The following DAB1 variants were observed in gnomAD, a reference collection of about 807,000 sequenced individuals.
DAB1 encodes the protein DAB adaptor protein 1.
Under a neutral mutation model 64.6 loss-of-function variants are expected in DAB1, and 15 were observed. The observed-to-expected ratio is 0.23, with a 90% CI of 0.16 to 0.36. DAB1 has a LOEUF of 0.36. Ranked by LOEUF, DAB1 falls within the 10% of genes least tolerant of loss-of-function variation. DAB1 has a pLI of 1.00. For missense variants in DAB1, 596 were observed against 706.7 expected (o/e 0.84, Z 1.78); for synonymous variants, 235 against 251.9 (o/e 0.93, Z 0.64).
intron 6 of DAB1, among the ~76,000 whole-genome samples, chr1:57,731,736 C>G (rs529074877): frequency 1.1e-4 from 17 of 151,308 alleles, no homozygotes; most frequent in African/African-American, 4.1e-4. Flanking sequence ...ACCCAGGAGG[C>G]GGAGGTTGCA....
chr1:58,199,081 T>C (rs149983577), intron 4 of DAB1, among the ~76,000 whole-genome samples: 212 of 152,276 alleles, frequency 1.4e-3, no homozygotes, highest in African/African-American at 4.9e-3. Context: ...TATACCAGCC[T>C]GGGTGGCAGT....
At chr1:57,206,204 TGGA>T (rs534262206) in intron 2 of DAB1, among the ~76,000 whole-genome samples, 3 of 152,090 alleles carry the variant, frequency 2.0e-5, no homozygotes, top group Non-Finnish European at 4.4e-5. Context: ...AGAAAGGCTT[TGGA>T]GGAGAAGAGG....
chr1:57,992,596 A>G (rs1048821526), intron 5 of DAB1, among the ~76,000 whole-genome samples: 1 of 152,162 alleles, frequency 6.6e-6, no homozygotes, highest in Non-Finnish European at 1.5e-5. Context: ...TCTCATAAAG[A>G]GGACACTCAG....
intron 5 of DAB1, among the ~76,000 whole-genome samples, chr1:57,984,603 T>A (rs989263025): frequency 1.3e-5 from 2 of 152,242 alleles, no homozygotes; most frequent in East Asian, 3.8e-4. Flanking sequence ...AAGTTACTTT[T>A]ACTTTGCATT....
chr1:57,404,286 C>T (rs141553966), intron 1 of DAB1, among the ~76,000 whole-genome samples: 11 of 152,198 alleles, frequency 7.2e-5, no homozygotes, highest in East Asian at 1.9e-4. Flanking sequence ...AAGTAAAACA[C>T]GTCTAGCAAA....
intron 4 of DAB1, among the ~76,000 whole-genome samples, chr1:58,244,656 C>G (rs1185062843): frequency 6.6e-6 from 1 of 152,184 alleles, no homozygotes; most frequent in Non-Finnish European, 1.5e-5. Context: ...AATGCACTAA[C>G]TTGTGCCTAG....
In DAB1 at chr1:57,413,846, G is replaced by T. The variant is rs181181285; in HGVS notation, c.-137+10084C>A. Among the ~76,000 whole-genome samples, 356 of 152,066 alleles carry T rather than the reference G, an allele frequency of 2.3e-3. 3 individuals carry two copies. Among genetic ancestry groups the T allele is most frequent in the Admixed American group, 4.1e-3 (63 of 15,262 alleles). On this transcript the variant is annotated intron_variant, in intron 1 of 14. Coordinates refer to ENST00000371236, the MANE Select transcript of DAB1 (RefSeq NM_001365792.1). ...AAATATCAACATTAATAGGAGTTTG[G>T]AAGAAGTTGATTCATGGCTGACTTG...
intron 2 of DAB1, among the ~76,000 whole-genome samples, chr1:58,527,092 T>C (rs558957744): frequency 6.6e-6 from 1 of 152,272 alleles, no homozygotes; most frequent in South Asian, 2.1e-4. Flanking sequence ...CAGTTATACA[T>C]TCTTTCAAGG....
chr1:58,506,047 G>A (rs752368737), intron 3 of DAB1: 25 of 846,912 alleles, frequency 3.0e-5, no homozygotes, highest in Non-Finnish European at 4.3e-5. Context: ...CGCCTTCTAC[G>A]GTGTCAGCTC....
At chr1:57,640,819 G>C (rs1646118999) in intron 7 of DAB1, among the ~76,000 whole-genome samples, 1 of 152,186 alleles carries the variant, frequency 6.6e-6, no homozygotes. Flanking sequence ...ATCAGCATTA[G>C]AGTAACATTA....
intron 3 of DAB1, among the ~76,000 whole-genome samples, chr1:58,441,327 A>T (rs981239753): frequency 1.3e-5 from 2 of 152,238 alleles, no homozygotes; most frequent in African/African-American, 4.8e-5. Context: ...AAACCCAGGC[A>T]GCCTGGCTCC....
intron 6 of DAB1, among the ~76,000 whole-genome samples, chr1:57,758,294 C>T (rs1461890277): frequency 1.3e-5 from 2 of 151,934 alleles, no homozygotes; most frequent in African/African-American, 4.8e-5. Context: ...GACTGAGGCT[C>T]AGTGAGGATA....
intron 5 of DAB1, chr1:58,048,994 G>A (rs1647438560): frequency 4.9e-6 from 4 of 808,642 alleles, no homozygotes; most frequent in East Asian, 2.4e-5. Context: ...CAGTTAAGTG[G>A]GCACCTGGTC....
chr1:58,361,909 G>A (rs1644171312), intron 3 of DAB1, among the ~76,000 whole-genome samples: 1 of 111,352 alleles, frequency 9.0e-6, no homozygotes, highest in Non-Finnish European at 1.6e-5. Context: ...TCACTCTGTT[G>A]TCCAGGCTGG....
At chr1:58,311,530 G>C (rs901237325) in intron 4 of DAB1, among the ~76,000 whole-genome samples, 2 of 152,212 alleles carry the variant, frequency 1.3e-5, no homozygotes, top group African/African-American at 4.8e-5. Context: ...CAAAGACTGA[G>C]CATGATGGGG....
intron 6 of DAB1, among the ~76,000 whole-genome samples, chr1:57,688,954 C>T (rs1188582904): frequency 6.6e-6 from 1 of 152,098 alleles, no homozygotes; most frequent in African/African-American, 2.4e-5. Context: ...TGAAAAACTA[C>T]CTGTTTGGTA....
chr1:57,932,468 A>ATTTTTT (rs61202343), intron 5 of DAB1, among the ~76,000 whole-genome samples: 5 of 143,502 alleles, frequency 3.5e-5, no homozygotes, highest in Non-Finnish European at 3.0e-5. Context: ...AGCCCAGCTA[A>ATTTTTT]TTTTTTTTTT....
At chr1:58,126,274 C>G (rs116515473) in intron 5 of DAB1, among the ~76,000 whole-genome samples, 6 of 152,022 alleles carry the variant, frequency 3.9e-5, no homozygotes, top group Non-Finnish European at 7.4e-5. Flanking sequence ...AACACACCAG[C>G]CCCTCAATAC....
intron 14 of DAB1, among the ~76,000 whole-genome samples, chr1:57,004,508 T>C (rs1645992730): frequency 6.6e-6 from 1 of 152,096 alleles, no homozygotes; most frequent in African/African-American, 2.4e-5. Flanking sequence ...TTATGCCCCA[T>C]CCCGGGGGCC....
Sources: allele counts gnomAD v4.1 joint callset (sites outside exome capture counted in the v4.1 genomes callset), GRCh38; gene constraint gnomAD v4.1.1; transcripts MANE v1.5; gene names NCBI Gene and HGNC (gene_info 2026-07-23, HGNC 2026-07-21).